MYOZ1: variants seen among roughly 807,000 people sequenced by gnomAD.
MYOZ1 encodes the protein myozenin-1.
Under a neutral mutation model 28.7 loss-of-function variants are expected in MYOZ1, and 20 were observed. The observed-to-expected ratio is 0.70, with a 90% CI of 0.49 to 1.01. The LOEUF (loss-of-function observed/expected upper bound fraction) is 1.01, where lower values mean the gene tolerates loss of function less well. MYOZ1 is among the 50% of genes least tolerant of loss of function. The pLI, the probability that MYOZ1 is intolerant of heterozygous loss-of-function variation, is 0.00. For missense variants in MYOZ1, 371 were observed against 372.4 expected, an observed-to-expected ratio of 1.00 and a Z score of 0.03; for synonymous variants, 144 against 145.8, an observed-to-expected ratio of 0.99 and a Z score of 0.09.
rs771968750 is a variant in MYOZ1, at chr10:73,637,774, G to A, written c.222C>T (p.Asn74=). ...AGCTGTCAGAGAAAACATCAGGGTG[G>A]TTCTCATAAATAAACTTCTCCACCC... ...QMRVEKFIYE[N]HPDVFSDSSM... is the part of the protein sequence containing the mutation. Residue 74 remains asparagine, a synonymous_variant, in exon 3 of 6, where the codon AAC becomes AAT. Transcript: ENST00000359322. 6 of 1,613,888 alleles carry A rather than the reference G, an allele frequency of 3.7e-6. No individual in the cohort carries two copies. In the East Asian group the frequency reaches 6.7e-5, roughly 18 times the overall value.
In MYOZ1 at chr10:73,636,982, G is replaced by T. The variant is rs2081670499; in HGVS notation, c.252+762C>A. On this transcript the variant is annotated intron_variant, in intron 3 of 5. Transcript: ENST00000359322. ...TTTTAAAATTTCAATTTTATTCTTT[G>T]CCTTATCTTCTTCCTTTTTTCTTTT... 2.0e-5 allele frequency among the ~76,000 whole-genome samples: 3 copies of T among 148,014 alleles called. No homozygotes were observed. In the South Asian group the frequency reaches 6.4e-4, roughly 32 times the overall value.
chr10:73,635,773 G>C (rs924338590), intron 3 of MYOZ1, among the ~76,000 whole-genome samples: 2 of 152,082 alleles, frequency 1.3e-5, no homozygotes, highest in African/African-American at 2.4e-5. Context: ...TCCTCAGCTT[G>C]TCCAACAGTC....
chr10:73,634,885 GCTGA>G (rs1166181693), intron 3 of MYOZ1, 152 bp from the exon 4 acceptor site: 65 of 870,608 alleles, frequency 7.5e-5, no homozygotes, highest in African/African-American at 2.6e-4. Context: ...TAGTACATGG[GCTGA>G]CTAAGAGAAT....
chr10:73,638,292 CATATAT>C (rs56801610), intron 2 of MYOZ1, among the ~76,000 whole-genome samples: 1 of 143,182 alleles, frequency 7.0e-6, no homozygotes, highest in African/African-American at 2.6e-5. Context: ...ATACAGATGC[CATATAT>C]ATATATATAT....
At chr10:73,637,288 T>C (rs1225799706) in intron 3 of MYOZ1, among the ~76,000 whole-genome samples, 1 of 152,194 alleles carries the variant, frequency 6.6e-6, no homozygotes, top group Non-Finnish European at 1.5e-5. Flanking sequence ...GTGCTGGGAT[T>C]ACAGGTGTGA....
Position 73,632,078 on chromosome 10 carries a change from A to G in MYOZ1, c.752T>C (p.Leu251Pro). 3 of 1,614,222 alleles carry G rather than the reference A, an allele frequency of 1.9e-6. No individual in the cohort carries two copies. Among genetic ancestry groups the G allele is most frequent in the Non-Finnish European group, 2.5e-6 (3 of 1,180,034 alleles). ...QMPKFDLGPL[L>P]SEPLVLYNQN... is the part of the protein sequence containing the mutation. ...GTTGTAGAGGACCAGGGGTTCACTC[A>G]GCAAGGGCCCCAGGTCAAACTTGGG... The change falls in exon 6 of 6, where the codon CTG (leucine) becomes CCG (proline). Residue 251 changes from leucine to proline, a missense_variant. Physicochemically the swap from Leu to Pro is moderately conservative, Grantham distance 98. Coordinates refer to ENST00000359322, the MANE Select transcript of MYOZ1 (RefSeq NM_021245.4).
Position 73,635,753 on chromosome 10 carries a change from C to T in MYOZ1, c.253-1020G>A, listed in dbSNP as rs72814330. On this transcript the variant is annotated intron_variant, in intron 3 of 5. Coordinates refer to ENST00000359322, the MANE Select transcript of MYOZ1 (RefSeq NM_021245.4). ...AATTACAAGGACTAGAGAAATTCTGCCCCCTCCCTTCCTCAGCTTGTCCAA... is the reference window on the plus strand; with the variant it reads ...AATTACAAGGACTAGAGAAATTCTGTCCCCTCCCTTCCTCAGCTTGTCCAA... Among the ~76,000 whole-genome samples, 591 of 152,216 alleles carry T rather than the reference C, an allele frequency of 3.9e-3. 3 individuals carry two copies. Among genetic ancestry groups the T allele is most frequent in the Middle Eastern group, 0.02 (6 of 294 alleles).
chr10:73,637,297 G>A (rs548548296), intron 3 of MYOZ1, among the ~76,000 whole-genome samples: 2 of 152,160 alleles, frequency 1.3e-5, no homozygotes, highest in African/African-American at 4.8e-5. Context: ...TTACAGGTGT[G>A]AGCCACCATG....
At chr10:73,638,292 C>CATATATATAT (rs56801610) in intron 2 of MYOZ1, among the ~76,000 whole-genome samples, 4 of 143,186 alleles carry the variant, frequency 2.8e-5, no homozygotes, top group African/African-American at 7.7e-5. Flanking sequence ...ATACAGATGC[C>CATATATATAT]ATATATATAT....
intron 3 of MYOZ1, among the ~76,000 whole-genome samples, chr10:73,636,718 A>ATGG (rs2081669256): frequency 6.6e-6 from 1 of 152,070 alleles, no homozygotes; most frequent in Non-Finnish European, 1.5e-5. Flanking sequence ...GGCATCCCAA[A>ATGG]GTGCTGGGAT....
At chr10:73,632,615 A>G (rs796549108) in intron 5 of MYOZ1, among the ~76,000 whole-genome samples, 1 of 101,048 alleles carries the variant, frequency 9.9e-6, no homozygotes, top group Admixed American at 1.1e-4. Context: ...AAATACAAAC[A>G]CCCCCCCCCC....
intron 1 of MYOZ1, among the ~76,000 whole-genome samples, chr10:73,641,097 G>A (rs1564985934): frequency 6.6e-6 from 1 of 152,210 alleles, no homozygotes; most frequent in Non-Finnish European, 1.5e-5. Flanking sequence ...CTTCTTAAGA[G>A]AAGTTGGCAC....
At chr10:73,639,419 G>A (rs1388118845) in intron 2 of MYOZ1, among the ~76,000 whole-genome samples, 1 of 152,156 alleles carries the variant, frequency 6.6e-6, no homozygotes, top group Non-Finnish European at 1.5e-5. Flanking sequence ...ACTGCACCTG[G>A]CCCAGACTTC....
At chr10:73,632,235 CTT>C (rs2081639572) in intron 5 of MYOZ1, 74 bp from the exon 6 acceptor site, 3 of 1,313,710 alleles carry the variant, frequency 2.3e-6, no homozygotes, top group Non-Finnish European at 3.2e-6. Context: ...ATGCTACCCT[CTT>C]TGAGAATAGG....
intron 5 of MYOZ1, among the ~76,000 whole-genome samples, chr10:73,632,620 C>A (rs1371397438): frequency 2.0e-5 from 3 of 150,850 alleles, no homozygotes; most frequent in African/African-American, 7.3e-5. Flanking sequence ...CAAACACCCC[C>A]CCCCCAAAAA....
intron 2 of MYOZ1, among the ~76,000 whole-genome samples, chr10:73,638,965 C>CT (rs71482555): frequency 0.049 from 4,907 of 99,330 alleles, 187 homozygotes; most frequent in Non-Finnish European, 0.068. Flanking sequence ...CACGCCTGGA[C>CT]TTTTTTTTTT....
At chr10:73,635,389 T>A (rs1158883532) in intron 3 of MYOZ1, among the ~76,000 whole-genome samples, 1 of 151,864 alleles carries the variant, frequency 6.6e-6, no homozygotes, top group Non-Finnish European at 1.5e-5. Flanking sequence ...AAAAAAATTC[T>A]TTTGCTTTTT....
Position 73,639,181 on chromosome 10 carries a change from G to A in MYOZ1, c.73+764C>T, listed in dbSNP as rs563421822. On this transcript the variant is annotated intron_variant, in intron 2 of 5. Transcript: ENST00000359322. Reference sequence around the variant, plus strand: ...TCTGTCACCCAGGCTGGAGGGTAGCGTCGCAATCATGGCTCACGGCAGCCT... The same window carrying A: ...TCTGTCACCCAGGCTGGAGGGTAGCATCGCAATCATGGCTCACGGCAGCCT... 3.3e-3 allele frequency among the ~76,000 whole-genome samples: 496 copies of A among 151,850 alleles called. 4 individuals are homozygous for A. Among genetic ancestry groups the A allele is most frequent in the South Asian group, 8.3e-3 (40 of 4,812 alleles).
rs1366754353 is a variant in MYOZ1, at chr10:73,631,820, C to G, written c.*110G>C. ...GGAAAGGTAGATCTCTCCTTTTTCC[C>G]TCCATTCCCATAAGGATACTGGATT... On this transcript the variant is annotated 3_prime_UTR_variant, in exon 6 of 6. Transcript: ENST00000359322. 1.3e-5 allele frequency: 12 copies of G among 939,060 alleles called. No homozygotes were observed. Among genetic ancestry groups the G allele is most frequent in the East Asian group, 5.4e-5 (2 of 37,050 alleles). The allele number at this position is 939,060 out of a possible 1,614,324, so 58.2% of individuals were successfully genotyped here.
Sources: allele counts gnomAD v4.1 joint callset (sites outside exome capture counted in the v4.1 genomes callset), GRCh38; gene constraint gnomAD v4.1.1; transcripts MANE v1.5; gene names NCBI Gene and HGNC (gene_info 2026-07-23, HGNC 2026-07-21).